Variants in CBLB observed in about 807,000 individuals in gnomAD.
The protein encoded by CBLB is Cbl proto-oncogene B, also known as E3 ubiquitin-protein ligase CBL-B.
A neutral mutation model predicts 104.9 loss-of-function variants in CBLB; 31 were observed. The ratio of observed to expected loss-of-function variants is 0.30; its 90% CI spans 0.22 to 0.40. The LOEUF (loss-of-function observed/expected upper bound fraction) is 0.40, where lower values mean the gene tolerates loss of function less well. Among genes scored for constraint, CBLB ranks in the 10% least tolerant of loss-of-function variants. CBLB has a pLI of 1.00. For synonymous variants in CBLB, 440 were observed against 422.6 expected, an observed-to-expected ratio of 1.04 and a Z score of -0.51; for missense variants, 1,062 against 1,214.6, an observed-to-expected ratio of 0.87 and a Z score of 1.87.
At chr3:105,678,288 C>T (rs970574373) in intron 17 of CBLB, 143 bp downstream of exon 17, 30 of 766,982 alleles carry the variant, frequency 3.9e-5, no homozygotes, top group African/African-American at 1.2e-4. Context: ...AACGTACCCA[C>T]GATTGCTACT....
chr3:105,702,295 C>A lies in CBLB; in HGVS notation c.1758G>T (p.Pro586=), dbSNP rs376583785. The change falls in exon 12 of 19, where the codon CCG becomes CCT. Residue 586 remains proline (P), a synonymous_variant. Transcript: ENST00000394030. ...HHVESVPSRD[P]PMPLEAWCPR... ...GGCACCATGCTTCAAGAGGCATTGG[C>A]GGGTCTCTGGAAGGCACGCTTTCCA... 1.5e-5 allele frequency: 24 copies of A among 1,613,670 alleles called. No homozygotes were observed. Among genetic ancestry groups the A allele is most frequent in the Non-Finnish European group, 7.6e-6 (9 of 1,179,936 alleles).
At chr3:105,756,736 A>G (rs2077114704) in intron 4 of CBLB, among the ~76,000 whole-genome samples, 1 of 152,228 alleles carries the variant, frequency 6.6e-6, no homozygotes, top group Non-Finnish European at 1.5e-5. Context: ...ATAAACAAAT[A>G]GATGGAACAA....
At chr3:105,712,883 T>C (rs938338557) in intron 10 of CBLB, among the ~76,000 whole-genome samples, 8 of 152,272 alleles carry the variant, frequency 5.3e-5, no homozygotes, top group Middle Eastern at 3.4e-3. Context: ...GCTATCAACA[T>C]CTAAAAGAAA....
intron 18 of CBLB, among the ~76,000 whole-genome samples, chr3:105,664,858 A>G (rs2064197122): frequency 6.6e-6 from 1 of 152,178 alleles, no homozygotes; most frequent in South Asian, 2.1e-4. Flanking sequence ...CATCACTACT[A>G]TTCCATCACT....
chr3:105,833,957 G>A (rs1371485597), intron 3 of CBLB, among the ~76,000 whole-genome samples: 2 of 151,844 alleles, frequency 1.3e-5, no homozygotes, highest in East Asian at 1.9e-4. Context: ...AAGGTTGTCA[G>A]GTCCAGAATT....
In CBLB at chr3:105,685,528, T is replaced by G. The variant is rs187997833; in HGVS notation, c.2055-62A>C. Reference sequence around the variant, plus strand: ...TAATATTCAAAACAGGCAAGTCTGATGTGACATATTCAAGTCAAAGAAGCT... The same window carrying G: ...TAATATTCAAAACAGGCAAGTCTGAGGTGACATATTCAAGTCAAAGAAGCT... On this transcript the variant is annotated intron_variant, in intron 13 of 18. Coordinates refer to ENST00000394030, the MANE Select transcript of CBLB (RefSeq NM_170662.5). 1.7e-4 allele frequency: 223 copies of G among 1,349,094 alleles called. 2 individuals carry two copies. The East Asian group carries it at 5.2e-3, about 32-fold the overall frequency. The allele number at this position is 1,349,094 out of a possible 1,614,324, so 83.6% of individuals were successfully genotyped here. A position where few individuals can be genotyped will look rare whatever the true frequency, so the allele number is the denominator to read the frequency against.
Position 105,657,963 on chromosome 3 carries a change from T to C in CBLB, c.*1007A>G, listed in dbSNP as rs962740728. ...GTAATCACTTAAATGGGAAATGAACTCTAATTCCACTTGAGAAAAGGTATG... is the reference window on the plus strand; with the variant it reads ...GTAATCACTTAAATGGGAAATGAACCCTAATTCCACTTGAGAAAAGGTATG... On this transcript the variant is annotated 3_prime_UTR_variant, in exon 19 of 19. Transcript: ENST00000394030. 1.4e-5 allele frequency: 3 copies of C among 212,082 alleles called. No individual in the cohort carries two copies. Among genetic ancestry groups the C allele is most frequent in the Non-Finnish European group, 2.9e-5 (3 of 104,832 alleles). The allele number at this position is 212,082 out of a possible 1,614,324, so 13.1% of individuals were successfully genotyped here. A position where few individuals can be genotyped will look rare whatever the true frequency, so the allele number is the denominator to read the frequency against.
At chr3:105,718,629 T>C (rs922853515) in intron 10 of CBLB, among the ~76,000 whole-genome samples, 1 of 152,112 alleles carries the variant, frequency 6.6e-6, no homozygotes, top group African/African-American at 2.4e-5. Flanking sequence ...CAATGGCAAA[T>C]AGGTTTCATG....
At chr3:105,729,856 A>G (rs2074116212) in intron 9 of CBLB, among the ~76,000 whole-genome samples, 1 of 152,132 alleles carries the variant, frequency 6.6e-6, no homozygotes, top group Admixed American at 6.5e-5. Flanking sequence ...TTGCAATAAC[A>G]TATTTTAATG....
At chr3:105,728,191 C>T (rs2073906877) in intron 9 of CBLB, among the ~76,000 whole-genome samples, 1 of 152,044 alleles carries the variant, frequency 6.6e-6, no homozygotes, top group African/African-American at 2.4e-5. Flanking sequence ...TTGCAGATGA[C>T]ATGAATGTAT....
intron 18 of CBLB, among the ~76,000 whole-genome samples, chr3:105,669,136 G>C (rs1038345852): frequency 6.6e-6 from 1 of 151,682 alleles, no homozygotes; most frequent in African/African-American, 2.4e-5. Context: ...CATATGCTGG[G>C]CACTATGTTG....
chr3:105,731,840 A>C lies in CBLB; in HGVS notation c.1203+2169T>G, dbSNP rs191268383. Among the ~76,000 whole-genome samples, 89 of 152,352 alleles carry C rather than the reference A, an allele frequency of 5.8e-4. 2 individuals carry two copies. In the East Asian group the frequency reaches 0.016, roughly 28 times the overall value. ...AACTCATAGCAGCTTCTGACTTTTA[A>C]CCAACTTAACCTCCAAATACTAAGC... On this transcript the variant is annotated intron_variant, in intron 9 of 18. Transcript: ENST00000394030.
At chr3:105,803,817 A>G (rs747268753) in intron 3 of CBLB, among the ~76,000 whole-genome samples, 7 of 152,284 alleles carry the variant, frequency 4.6e-5, no homozygotes, top group Non-Finnish European at 7.4e-5. Flanking sequence ...TTTTCACTAT[A>G]ATTTTTAAGT....
chr3:105,791,626 T>G lies in CBLB; in HGVS notation c.420-15084A>C, dbSNP rs2152995878. 2.6e-5 allele frequency among the ~76,000 whole-genome samples: 4 copies of G among 152,318 alleles called. 1 individual carries two copies. In the Middle Eastern group the frequency reaches 0.01, roughly 389 times the overall value. On this transcript the variant is annotated intron_variant, in intron 3 of 18. Coordinates refer to ENST00000394030, the MANE Select transcript of CBLB (RefSeq NM_170662.5). ...CTATGGACTACACTGAAATCCGTTC[T>G]TTTAAAATGGACTGAAGTTAAGCAT...
Position 105,761,181 on chromosome 3 carries a change from C to T in CBLB, c.567-9563G>A, listed in dbSNP as rs147962488. On this transcript the variant is annotated intron_variant, in intron 4 of 18. Coordinates refer to ENST00000394030, the MANE Select transcript of CBLB (RefSeq NM_170662.5). Reference sequence around the variant, plus strand: ...GTTAAGTAGCTGGGATTAAAGTGTGCGCCACCATGCCTAGCTAATTTTTGT... The same window carrying T: ...GTTAAGTAGCTGGGATTAAAGTGTGTGCCACCATGCCTAGCTAATTTTTGT... Among the ~76,000 whole-genome samples, 483 of 152,162 alleles carry T rather than the reference C, an allele frequency of 3.2e-3. 2 individuals are homozygous for T. The highest frequency in any genetic ancestry group is 6.8e-3 in the Middle Eastern group (2 of 294).
intron 4 of CBLB, among the ~76,000 whole-genome samples, chr3:105,775,522 T>C (rs1018880535): frequency 2.0e-5 from 3 of 152,234 alleles, no homozygotes; most frequent in Admixed American, 6.5e-5. Context: ...CAATAATCTA[T>C]GTAAGCAGTC....
At chr3:105,672,108 C>T (rs2065126422) in intron 17 of CBLB, 1 of 193,364 alleles carries the variant, frequency 5.2e-6, no homozygotes. Flanking sequence ...CTGTCTTTTA[C>T]AATACATACA....
intron 5 of CBLB, among the ~76,000 whole-genome samples, chr3:105,750,642 C>A (rs1276308532): frequency 1.3e-5 from 2 of 152,146 alleles, no homozygotes; most frequent in East Asian, 3.8e-4. Flanking sequence ...AATCTCAAAA[C>A]ACAAATTTCA....
chr3:105,794,329 A>C (rs1213800720), intron 3 of CBLB, among the ~76,000 whole-genome samples: 1 of 152,222 alleles, frequency 6.6e-6, no homozygotes, highest in Non-Finnish European at 1.5e-5. Flanking sequence ...AAATCCAAAT[A>C]GATTTCTGCC....
Sources: allele counts gnomAD v4.1 joint callset (sites outside exome capture counted in the v4.1 genomes callset), GRCh38; gene constraint gnomAD v4.1.1; transcripts MANE v1.5; gene names NCBI Gene and HGNC (gene_info 2026-07-23, HGNC 2026-07-21).